Variants in SEMA3A observed in about 807,000 individuals in gnomAD.
SEMA3A encodes semaphorin 3A.
A neutral mutation model predicts 97.9 loss-of-function variants in SEMA3A; 29 were observed. The observed-to-expected ratio is 0.30, with a 90% confidence interval of 0.22 to 0.40. The LOEUF (loss-of-function observed/expected upper bound fraction) is 0.40. Among genes scored for constraint, SEMA3A ranks in the 10% least tolerant of loss-of-function variants. SEMA3A has a pLI of 1.00. For synonymous variants in SEMA3A, 321 were observed against 323.7 expected, an observed-to-expected ratio of 0.99 and a Z score of 0.09; for missense variants, 763 against 951.3, an observed-to-expected ratio of 0.80 and a Z score of 2.60.
At chr7:83,999,087 G>A (rs1381384460) in intron 12 of SEMA3A, among the ~76,000 whole-genome samples, 1 of 152,118 alleles carries the variant, frequency 6.6e-6, no homozygotes, top group African/African-American at 2.4e-5. Flanking sequence ...ACAACAGAAA[G>A]TGAAGTATTG....
intron 1 of SEMA3A, among the ~76,000 whole-genome samples, chr7:84,407,135 T>C (rs981226631): frequency 6.6e-6 from 1 of 152,168 alleles, no homozygotes; most frequent in African/African-American, 2.4e-5. Context: ...ATGACATGAT[T>C]GTATATCTGG....
chr7:83,989,043 T>G (rs1231462485), intron 12 of SEMA3A, among the ~76,000 whole-genome samples: 1 of 151,826 alleles, frequency 6.6e-6, no homozygotes, highest in East Asian at 1.9e-4. Flanking sequence ...TTTAGAAGAG[T>G]AAGGAAAATT....
intron 1 of SEMA3A, among the ~76,000 whole-genome samples, chr7:84,473,720 T>C (rs1806211319): frequency 1.3e-5 from 2 of 152,144 alleles, no homozygotes; most frequent in African/African-American, 4.8e-5. Context: ...AATAGTTAAA[T>C]ATAAATATCT....
intron 1 of SEMA3A, among the ~76,000 whole-genome samples, chr7:84,163,690 GA>G (rs1183924893): frequency 6.6e-6 from 1 of 151,952 alleles, no homozygotes; most frequent in Non-Finnish European, 1.5e-5. Context: ...TACATTTTAT[GA>G]ATTCAGGTTG....
chr7:83,968,804 CTTTTTTTTTTTT>C (rs34837012), intron 15 of SEMA3A, among the ~76,000 whole-genome samples: 10 of 86,984 alleles, frequency 1.1e-4, no homozygotes, highest in Admixed American at 2.9e-4. Context: ...CTTTTCTTTC[CTTTTTTTTTTTT>C]TTTTTTTTTT....
At chr7:84,429,412 T>G (rs557809306) in intron 1 of SEMA3A, among the ~76,000 whole-genome samples, 1 of 150,096 alleles carries the variant, frequency 6.7e-6, no homozygotes, top group East Asian at 2.0e-4. Flanking sequence ...ATTTTAGATA[T>G]AAAAGTTGAA....
chr7:84,070,922 T>C (rs1287152551), intron 4 of SEMA3A, among the ~76,000 whole-genome samples: 2 of 152,062 alleles, frequency 1.3e-5, no homozygotes, highest in East Asian at 3.9e-4. Context: ...GAATTAACAA[T>C]AGTATACAGG....
chr7:83,967,577 A>T (rs1351375269), intron 15 of SEMA3A, among the ~76,000 whole-genome samples: 1 of 152,122 alleles, frequency 6.6e-6, no homozygotes, highest in Non-Finnish European at 1.5e-5. Context: ...CAACATGGTG[A>T]AACCCCATTT....
At chr7:84,190,264 G>A (rs74791864) in intron 1 of SEMA3A, among the ~76,000 whole-genome samples, 9,539 of 151,692 alleles carry the variant, frequency 0.063, 349 homozygotes, top group African/African-American at 0.092. Context: ...ATCACAAGAT[G>A]TGTGACTAAG....
intron 4 of SEMA3A, among the ~76,000 whole-genome samples, chr7:84,108,358 A>AAG (rs1795173153): frequency 6.6e-6 from 1 of 151,740 alleles, no homozygotes; most frequent in Non-Finnish European, 1.5e-5. Context: ...AAAAAAAAAA[A>AAG]GAAAAAAGGC....
At chr7:83,998,661 A>C (rs1790315696) in intron 12 of SEMA3A, among the ~76,000 whole-genome samples, 1 of 151,432 alleles carries the variant, frequency 6.6e-6, no homozygotes, top group South Asian at 2.1e-4. Context: ...TGAATTTTTA[A>C]AACTTTTTGA....
chr7:84,219,112 C>T (rs1798816416), intron 3 of SEMA3A, among the ~76,000 whole-genome samples: 1 of 151,952 alleles, frequency 6.6e-6, no homozygotes, highest in Admixed American at 6.6e-5. Context: ...GACTGATAAA[C>T]CAGTGAGAAT....
At chr7:84,472,594 T>C (rs1022182528) in intron 1 of SEMA3A, among the ~76,000 whole-genome samples, 5 of 152,206 alleles carry the variant, frequency 3.3e-5, no homozygotes, top group Admixed American at 1.3e-4. Flanking sequence ...TGTTCAATGT[T>C]TGTCAAATTT....
At chr7:83,963,500 G>A (rs1788557294) in intron 15 of SEMA3A, among the ~76,000 whole-genome samples, 153 bp from the exon 16 acceptor site, 1 of 152,172 alleles carries the variant, frequency 6.6e-6, no homozygotes, top group Admixed American at 6.6e-5. Flanking sequence ...GTGATGTAAG[G>A]TTTCAGAGCC....
intron 1 of SEMA3A, among the ~76,000 whole-genome samples, chr7:84,405,944 C>T (rs1055670256): frequency 2.0e-5 from 3 of 152,016 alleles, no homozygotes; most frequent in African/African-American, 7.3e-5. Flanking sequence ...CAAGAGAAAG[C>T]AGGAAAGATC....
intron 2 of SEMA3A, among the ~76,000 whole-genome samples, chr7:84,133,340 T>C (rs1400329884): frequency 6.6e-5 from 10 of 152,180 alleles, no homozygotes; most frequent in Admixed American, 6.5e-4. Context: ...GAAAAGAAAA[T>C]GTCTTAGGTT....
intron 5 of SEMA3A, among the ~76,000 whole-genome samples, chr7:84,047,956 G>A (rs562431156): frequency 6.6e-6 from 1 of 151,936 alleles, no homozygotes; most frequent in African/African-American, 2.4e-5. Flanking sequence ...AGACCCTCCA[G>A]AACAGTGGAG....
At chr7:84,478,781 C>T (rs1806368928) in intron 1 of SEMA3A, among the ~76,000 whole-genome samples, 1 of 151,830 alleles carries the variant, frequency 6.6e-6, no homozygotes, top group Non-Finnish European at 1.5e-5. Context: ...CAAGCAGTCT[C>T]TATTCTTAAA....
At chr7:83,974,673 A>G (rs1415644680) in intron 15 of SEMA3A, among the ~76,000 whole-genome samples, 1 of 152,120 alleles carries the variant, frequency 6.6e-6, no homozygotes, top group Non-Finnish European at 1.5e-5. Context: ...ACTGATTCCT[A>G]ATGGTAAGAC....
Sources: allele counts gnomAD v4.1 joint callset (sites outside exome capture counted in the v4.1 genomes callset), GRCh38; gene constraint gnomAD v4.1.1; transcripts MANE v1.5; gene names NCBI Gene and HGNC (gene_info 2026-07-23, HGNC 2026-07-21).